The following RIMS2 variants were observed in gnomAD, a reference collection of about 807,000 sequenced individuals.
The protein encoded by RIMS2 is regulating synaptic membrane exocytosis 2, also known as regulating synaptic membrane exocytosis protein 2.
A neutral mutation model predicts 174.4 loss-of-function variants in RIMS2; 59 were observed. The ratio of observed to expected loss-of-function variants is 0.34; its 90% CI spans 0.27 to 0.42. The LOEUF is 0.42. RIMS2 is among the 10% of genes least tolerant of loss of function. RIMS2 has a pLI of 1.00. For missense variants in RIMS2, 1,620 were observed against 1,666.3 expected (o/e 0.97, Z 0.48); for synonymous variants, 606 against 572.5 (o/e 1.06, Z -0.84).
intron 3 of RIMS2, among the ~76,000 whole-genome samples, chr8:103,767,172 T>G (rs2098183138): frequency 6.9e-6 from 1 of 145,120 alleles, no homozygotes; most frequent in African/African-American, 2.6e-5. Context: ...AGGATTTTGA[T>G]GGGAAGATTC....
In RIMS2 at chr8:103,896,631, C is replaced by T. The variant is rs868344874; in HGVS notation, c.1624+10408C>T. On this transcript the variant is annotated intron_variant, in intron 4 of 23. Transcript: ENST00000504942. ...AGTTTGGAATTCAGGCAAGGTTCAG[C>T]TGTGTAGTTTTTCTTCTTCAAATGA... Among the ~76,000 whole-genome samples the T allele has an allele frequency of 5.3e-5, 8 of 151,602 alleles. No homozygotes were observed. The South Asian group carries it at 1.7e-3, about 31-fold the overall frequency.
chr8:103,927,784 A>G, intron 10 of RIMS2: 1 of 1,151,600 alleles, frequency 8.7e-7, no homozygotes, highest in Non-Finnish European at 1.3e-6. Context: ...TTTTAGTTCC[A>G]GCGTGTTGTC....
At chr8:104,065,002 G>A (rs555249546) in intron 19 of RIMS2, among the ~76,000 whole-genome samples, 1 of 152,112 alleles carries the variant, frequency 6.6e-6, no homozygotes, top group South Asian at 2.1e-4. Context: ...TAATCTTAGA[G>A]ATTCCTAGAT....
intron 14 of RIMS2, among the ~76,000 whole-genome samples, chr8:103,943,261 C>T (rs1315804160): frequency 6.6e-6 from 1 of 152,272 alleles, no homozygotes; most frequent in East Asian, 1.9e-4. Flanking sequence ...AGTTTAGCCA[C>T]ATAGTTGTAT....
intron 4 of RIMS2, among the ~76,000 whole-genome samples, chr8:103,897,085 G>T (rs1324674305): frequency 6.6e-6 from 1 of 151,518 alleles, no homozygotes; most frequent in Admixed American, 6.6e-5. Context: ...TATTCCCATG[G>T]ATATTTTCAC....
intron 19 of RIMS2, among the ~76,000 whole-genome samples, chr8:104,220,045 T>A (rs1587703596): frequency 6.6e-6 from 1 of 152,190 alleles, no homozygotes; most frequent in Non-Finnish European, 1.5e-5. Context: ...AAATTTTTTT[T>A]AAAGTAGAAT....
intron 19 of RIMS2, among the ~76,000 whole-genome samples, chr8:104,084,942 C>A (rs905172648): frequency 1.3e-5 from 2 of 152,006 alleles, no homozygotes; most frequent in Non-Finnish European, 2.9e-5. Context: ...GCTCTTAATC[C>A]CTTGGTCATT....
At chr8:104,229,091 A>G (rs908405392) in intron 19 of RIMS2, among the ~76,000 whole-genome samples, 44 of 152,320 alleles carry the variant, frequency 2.9e-4, no homozygotes, top group Admixed American at 2.9e-3. Flanking sequence ...TTAAACCTCA[A>G]TTTGCTTTCA....
intron 3 of RIMS2, among the ~76,000 whole-genome samples, chr8:103,840,073 G>T (rs1248238482): frequency 6.6e-6 from 1 of 152,108 alleles, no homozygotes; most frequent in Non-Finnish European, 1.5e-5. Flanking sequence ...CTTATGTTTT[G>T]TCTTGTCCAA....
At chr8:103,622,305 T>C (rs2095654371) in intron 1 of RIMS2, among the ~76,000 whole-genome samples, 1 of 152,100 alleles carries the variant, frequency 6.6e-6, no homozygotes, top group South Asian at 2.1e-4. Context: ...ATCATCACTA[T>C]AAGTCATATA....
intron 19 of RIMS2, among the ~76,000 whole-genome samples, chr8:104,153,049 T>C (rs2134177276): frequency 6.6e-6 from 1 of 152,274 alleles, no homozygotes; most frequent in Non-Finnish European, 1.5e-5. Flanking sequence ...TTCTGGATGA[T>C]ATCACAGTAA....
intron 19 of RIMS2, among the ~76,000 whole-genome samples, chr8:104,084,504 A>C (rs1374573446): frequency 6.6e-6 from 1 of 151,562 alleles, no homozygotes; most frequent in African/African-American, 2.4e-5. Context: ...TTTCCAAGGC[A>C]GGTTTGGTAT....
Position 103,662,692 on chromosome 8 carries a change from A to G in RIMS2, c.177-34394A>G, listed in dbSNP as rs537610489. Among the ~76,000 whole-genome samples, 14 of 151,076 alleles carry G rather than the reference A, an allele frequency of 9.3e-5. No homozygotes were observed. In the South Asian group the frequency reaches 2.7e-3, roughly 29 times the overall value. On this transcript the variant is annotated intron_variant, in intron 1 of 23. Coordinates refer to ENST00000504942, the Ensembl canonical transcript of RIMS2. ...GAAGAGTCTATCTATCTATCTATCTATCTATCTATCTATCTATCTATCTAT... is the reference window on the plus strand; with the variant it reads ...GAAGAGTCTATCTATCTATCTATCTGTCTATCTATCTATCTATCTATCTAT...
chr8:104,082,195 G>C (rs2154563374), intron 19 of RIMS2, among the ~76,000 whole-genome samples: 1 of 151,974 alleles, frequency 6.6e-6, no homozygotes, highest in South Asian at 2.1e-4. Context: ...GGAAGGGAAA[G>C]GGGATGAAGA....
chr8:103,897,674 C>T (rs1441355599), intron 4 of RIMS2, among the ~76,000 whole-genome samples: 4 of 151,564 alleles, frequency 2.6e-5, no homozygotes, highest in African/African-American at 9.8e-5. Flanking sequence ...TAGATCTTTG[C>T]CCTCCACCAG....
intron 17 of RIMS2, among the ~76,000 whole-genome samples, chr8:103,996,995 G>GT (rs2095142819): frequency 6.6e-6 from 1 of 151,740 alleles, no homozygotes; most frequent in East Asian, 1.9e-4. Flanking sequence ...AATACCAAAC[G>GT]TAAGTGGAGT....
At chr8:104,108,512 T>C (rs1161581007) in intron 19 of RIMS2, among the ~76,000 whole-genome samples, 1 of 152,070 alleles carries the variant, frequency 6.6e-6, no homozygotes, top group African/African-American at 2.4e-5. Context: ...GTGCCCAGGC[T>C]GGTCTCAAAC....
At chr8:103,911,192 G>A (rs961037706) in intron 5 of RIMS2, among the ~76,000 whole-genome samples, 1 of 152,082 alleles carries the variant, frequency 6.6e-6, no homozygotes. Context: ...AGATATGCCT[G>A]TTACTTTTTG....
chr8:104,016,281 T>C (rs1358534658), intron 19 of RIMS2, among the ~76,000 whole-genome samples: 1 of 152,122 alleles, frequency 6.6e-6, no homozygotes, highest in Admixed American at 6.6e-5. Context: ...GTATACAAAG[T>C]ACCACTAAAA....
Sources: gnomAD v4.1 joint callset for allele counts (sites outside exome capture counted in the v4.1 genomes callset) on GRCh38, gnomAD v4.1.1 for gene constraint, MANE v1.5 for transcripts, NCBI Gene and HGNC (gene_info 2026-07-23, HGNC 2026-07-21) for gene names.